ARL15: variants seen among roughly 807,000 people sequenced by gnomAD.
ARL15 encodes the protein ADP-ribosylation factor-like protein 15.
ARL15 carries 19 observed loss-of-function variants against 25.2 expected under a neutral mutation model. The observed-to-expected ratio is 0.75, with a 90% CI of 0.53 to 1.10. ARL15 has a LOEUF of 1.10. ARL15 is among the 50% of genes least tolerant of loss of function. The pLI is 0.00. For synonymous variants in ARL15, 94 were observed against 86.8 expected (o/e 1.08, Z -0.46); for missense variants, 220 against 246.0 (o/e 0.89, Z 0.71).
chr5:54,297,463 G>A (rs1442810671), intron 1 of ARL15, among the ~76,000 whole-genome samples: 1 of 152,236 alleles, frequency 6.6e-6, no homozygotes, highest in Non-Finnish European at 1.5e-5. Context: ...GGGCTGTTTT[G>A]TTAGGGCAGT....
chr5:53,959,977 C>T (rs1168331469), intron 4 of ARL15, among the ~76,000 whole-genome samples: 1 of 151,902 alleles, frequency 6.6e-6, no homozygotes, highest in Non-Finnish European at 1.5e-5. Context: ...CAGTGTCTGA[C>T]ATATAGTAGA....
In ARL15 at chr5:54,270,477, G is replaced by A. The variant is rs575192165; in HGVS notation, c.48+39955C>T. ...ACCTACCATAACTTAGAATGCCCAC[G>A]TATCCCCAGGGGCATGTGTATCCTG... On this transcript the variant is annotated intron_variant, in intron 1 of 4. Transcript: ENST00000504924. Among the ~76,000 whole-genome samples the A allele has an allele frequency of 6.6e-5, 10 of 152,286 alleles. No individual in the cohort carries two copies. In the East Asian group the frequency reaches 1.5e-3, roughly 23 times the overall value.
intron 4 of ARL15, among the ~76,000 whole-genome samples, chr5:54,105,369 C>A (rs1752558006): frequency 1.3e-5 from 2 of 151,908 alleles, no homozygotes; most frequent in Non-Finnish European, 1.5e-5. Flanking sequence ...GTGAAGATCA[C>A]CACTACAACA....
chr5:54,277,236 G>A (rs1757949997), intron 1 of ARL15, among the ~76,000 whole-genome samples: 1 of 151,702 alleles, frequency 6.6e-6, no homozygotes. Flanking sequence ...CCTTTTTACT[G>A]TAATCACAAA....
intron 2 of ARL15, among the ~76,000 whole-genome samples, chr5:54,154,853 T>C (rs1754178087): frequency 6.6e-6 from 1 of 152,200 alleles, no homozygotes; most frequent in African/African-American, 2.4e-5. Flanking sequence ...CTGGGCACAG[T>C]GGCTCACACC....
rs892682882 is a variant in ARL15, at chr5:53,884,150, A to AT, written c.*2410dup. 2.6e-5 allele frequency: 4 copies of AT among 152,226 alleles called. No homozygotes were observed. The highest frequency in any genetic ancestry group is 2.6e-4 in the Admixed American group (4 of 15,286). The allele number at this position is 152,226 out of a possible 1,614,324, so 9.4% of individuals were successfully genotyped here. A position where few individuals can be genotyped will look rare whatever the true frequency, so the allele number is the denominator to read the frequency against. Reference sequence around the variant, plus strand: ...ACTACAGTGGATACAAAGTTTTATCATATAAATTAATTGCCATTACAAAAA... The same window carrying AT: ...ACTACAGTGGATACAAAGTTTTATCATTATAAATTAATTGCCATTACAAAAA... On this transcript the variant is annotated 3_prime_UTR_variant, in exon 5 of 5. Transcript: ENST00000504924.
chr5:54,115,355 T>A (rs1164911410), intron 3 of ARL15, among the ~76,000 whole-genome samples: 2 of 152,194 alleles, frequency 1.3e-5, no homozygotes, highest in Non-Finnish European at 2.9e-5. Flanking sequence ...GTTCTCGCTA[T>A]GTTGCCTAGG....
intron 3 of ARL15, among the ~76,000 whole-genome samples, chr5:54,151,696 G>A (rs157069): frequency 0.21 from 31,753 of 151,878 alleles, 4,036 homozygotes; most frequent in East Asian, 0.68. Context: ...ACAAACATAT[G>A]TTTGTGTGTG....
In ARL15 at chr5:54,075,073, G is replaced by GAAA. The variant is rs3836818; in HGVS notation, c.462+38126_462+38128dup. On this transcript the variant is annotated intron_variant, in intron 4 of 4. Coordinates refer to ENST00000504924, the MANE Select transcript of ARL15 (RefSeq NM_019087.3). ...GAATGATTCTTAGTACAGAATACAG[G>GAAA]AAAAAAAAAAAAAAAAAAAGTCCTG... 4.4e-4 allele frequency among the ~76,000 whole-genome samples: 28 copies of GAAA among 63,912 alleles called. 3 individuals are homozygous for GAAA. Among genetic ancestry groups the GAAA allele is most frequent in the African/African-American group, 1.5e-3 (24 of 15,608 alleles). The allele number at this position is 63,912 out of a possible 152,430, so 41.9% of individuals were successfully genotyped here. A position where few individuals can be genotyped will look rare whatever the true frequency, so the allele number is the denominator to read the frequency against.
intron 4 of ARL15, among the ~76,000 whole-genome samples, chr5:53,930,036 G>A (rs905492899): frequency 6.6e-6 from 1 of 152,072 alleles, no homozygotes; most frequent in Admixed American, 6.5e-5. Context: ...TTCATATTAA[G>A]GCTCAATGAT....
At chr5:54,180,073 T>C (rs958656244) in intron 1 of ARL15, among the ~76,000 whole-genome samples, 2 of 149,334 alleles carry the variant, frequency 1.3e-5, no homozygotes, top group Non-Finnish European at 3.0e-5. Flanking sequence ...TTTCCAACCC[T>C]AAGCACAGCA....
chr5:54,114,406 G>GAAAAAAAA lies in ARL15; in HGVS notation c.254-1004_254-997dup, dbSNP rs1171369744. On this transcript the variant is annotated intron_variant, in intron 3 of 4. Transcript: ENST00000504924. ...GCAACACAGCAAGGCTCCATCTCAA[G>GAAAAAAAA]AAAAAAAAAAAAAAAAGCAACACCA... Among the ~76,000 whole-genome samples the GAAAAAAAA allele has an allele frequency of 2.4e-3, 182 of 74,464 alleles. 20 individuals carry two copies. Among genetic ancestry groups the GAAAAAAAA allele is most frequent in the African/African-American group, 9.3e-3 (164 of 17,552 alleles). The allele number at this position is 74,464 out of a possible 152,430, so 48.9% of individuals were successfully genotyped here. A position where few individuals can be genotyped will look rare whatever the true frequency, so the allele number is the denominator to read the frequency against.
chr5:54,154,573 G>A lies in ARL15; in HGVS notation c.253+7C>T, dbSNP rs1489562524. On this transcript the variant is annotated splice_region_variant and intron_variant, in intron 3 of 4. Coordinates refer to ENST00000504924, the MANE Select transcript of ARL15 (RefSeq NM_019087.3). ...GGCAGACATAGAAATGATTTGAAAT[G>A]TTATACCTCCAAGTTCTTTTACATT... is the stretch of plus-strand genomic sequence containing the variant. 7 of 1,512,368 alleles carry A rather than the reference G, an allele frequency of 4.6e-6. No individual in the cohort carries two copies. The Admixed American group carries it at 6.8e-5, about 15-fold the overall frequency. The allele number at this position is 1,512,368 out of a possible 1,614,324, so 93.7% of individuals were successfully genotyped here.
chr5:53,918,271 G>A (rs749727582), intron 4 of ARL15, among the ~76,000 whole-genome samples: 6 of 152,114 alleles, frequency 3.9e-5, no homozygotes, highest in Non-Finnish European at 8.8e-5. Context: ...CTGCAAATTT[G>A]ACATCCTGCG....
At chr5:54,286,762 T>C (rs991826803) in intron 1 of ARL15, among the ~76,000 whole-genome samples, 5 of 151,940 alleles carry the variant, frequency 3.3e-5, no homozygotes, top group African/African-American at 7.3e-5. Flanking sequence ...AGTAAAATAA[T>C]GAGTACCACT....
intron 1 of ARL15, among the ~76,000 whole-genome samples, chr5:54,289,498 C>T (rs1758269047): frequency 6.6e-6 from 1 of 152,226 alleles, no homozygotes; most frequent in East Asian, 1.9e-4. Flanking sequence ...AGCTTTGCTT[C>T]CCAAACCCCT....
chr5:54,216,697 G>A (rs1488426351), intron 1 of ARL15, among the ~76,000 whole-genome samples: 1 of 152,082 alleles, frequency 6.6e-6, no homozygotes, highest in Non-Finnish European at 1.5e-5. Context: ...CATGGAGGGT[G>A]AGTAAAAAAA....
intron 4 of ARL15, among the ~76,000 whole-genome samples, chr5:54,108,092 A>T (rs1366464214): frequency 6.6e-6 from 1 of 152,180 alleles, no homozygotes; most frequent in East Asian, 1.9e-4. Context: ...TTACAGCTTA[A>T]AAGTTGCTCT....
intron 4 of ARL15, among the ~76,000 whole-genome samples, chr5:54,086,064 G>A (rs1471013784): frequency 7.9e-5 from 12 of 151,982 alleles, no homozygotes; most frequent in Admixed American, 2.0e-4. Flanking sequence ...ACAGGCATGC[G>A]CCACCACGCC....
Sources: allele counts gnomAD v4.1 joint callset (sites outside exome capture counted in the v4.1 genomes callset), GRCh38; gene constraint gnomAD v4.1.1; transcripts MANE v1.5; gene names NCBI Gene and HGNC (gene_info 2026-07-23, HGNC 2026-07-21).